LRP11: variants seen among roughly 807,000 people sequenced by gnomAD.
The protein encoded by LRP11 is LDL receptor related protein 11.
LRP11 carries 25 observed loss-of-function variants against 43.1 expected under a neutral mutation model. The ratio of observed to expected loss-of-function variants is 0.58; its 90% CI spans 0.42 to 0.81. The LOEUF (loss-of-function observed/expected upper bound fraction) is 0.81, where lower values mean the gene tolerates loss of function less well. Among genes scored for constraint, LRP11 ranks in the 30% least tolerant of loss-of-function variants. The probability of loss-of-function intolerance (pLI) is 0.00; values close to 1 mark genes in which losing one functional copy is unlikely to be tolerated. For missense variants in LRP11, 623 were observed against 665.1 expected, an observed-to-expected ratio of 0.94 and a Z score of 0.70; for synonymous variants, 316 against 299.4, an observed-to-expected ratio of 1.06 and a Z score of -0.57.
chr6:149,861,238 C>A (rs1776888457), intron 1 of LRP11, among the ~76,000 whole-genome samples: 1 of 152,166 alleles, frequency 6.6e-6, no homozygotes. Flanking sequence ...AGGGGACACA[C>A]AGGACACTGG....
intron 3 of LRP11, chr6:149,842,469 C>G: frequency 1.6e-6 from 1 of 633,262 alleles, no homozygotes; most frequent in Non-Finnish European, 2.8e-6. Context: ...TAACTATAGT[C>G]ACCATGCTGT....
intron 2 of LRP11, among the ~76,000 whole-genome samples, chr6:149,849,956 C>T (rs888154117): frequency 4.6e-5 from 7 of 152,106 alleles, no homozygotes; most frequent in East Asian, 1.9e-4. Context: ...TAAAGTATCA[C>T]GAGGCAAAGG....
At chr6:149,843,856 T>C (rs986454795) in intron 2 of LRP11, among the ~76,000 whole-genome samples, 3 of 152,160 alleles carry the variant, frequency 2.0e-5, no homozygotes, top group East Asian at 3.9e-4. Flanking sequence ...GCCCACCCAA[T>C]GTAGCTGCTT....
Position 149,863,768 on chromosome 6 carries a change from G to T in LRP11, c.253C>A (p.Pro85Thr). The change falls in exon 1 of 7, where the codon CCC becomes ACC. Residue 85 changes from proline (P) to threonine (T), a missense_variant. By Grantham distance (38) the Pro-to-Thr change is conservative. Transcript: ENST00000239367. ...LELELRAGGG[P>T]QEDCPGPGSG... ...CCCGGGCCCGGGCAGTCCTCCTGGG[G>T]GCCGCCGCCCGCGCGCAGCTCCAGC... The T allele has an allele frequency of 6.8e-7, 1 of 1,478,528 alleles. No individual in the cohort carries two copies. The highest frequency in any genetic ancestry group is 1.3e-5 in the South Asian group (1 of 78,386). 91.6% of individuals were successfully genotyped at this position (1,478,528 alleles called of 1,614,324 possible). A position where few individuals can be genotyped will look rare whatever the true frequency, so the allele number is the denominator to read the frequency against.
At chr6:149,825,783 G>A (rs569736623) in intron 6 of LRP11, among the ~76,000 whole-genome samples, 2 of 151,988 alleles carry the variant, frequency 1.3e-5, no homozygotes, top group East Asian at 3.9e-4. Flanking sequence ...AGCCTCCCTG[G>A]GACTACAGGC....
At chr6:149,844,919 TC>T in intron 2 of LRP11, among the ~76,000 whole-genome samples, 1 of 152,180 alleles carries the variant, frequency 6.6e-6, no homozygotes, top group Non-Finnish European at 1.5e-5. Context: ...GATTTCCAGG[TC>T]CCAGCCTCAG....
At chr6:149,837,949 A>C (rs961076646) in intron 3 of LRP11, among the ~76,000 whole-genome samples, 15 of 151,958 alleles carry the variant, frequency 9.9e-5, no homozygotes, top group African/African-American at 3.6e-4. Flanking sequence ...ACAAGGTCTC[A>C]CTCTGTCGCC....
At chr6:149,860,912 A>G (rs1562448593) in intron 1 of LRP11, among the ~76,000 whole-genome samples, 1 of 152,142 alleles carries the variant, frequency 6.6e-6, no homozygotes, top group African/African-American at 2.4e-5. Context: ...AGGGATTATA[A>G]CAGAACCTAG....
chr6:149,861,832 T>A (rs762610261), intron 1 of LRP11, among the ~76,000 whole-genome samples: 10 of 152,266 alleles, frequency 6.6e-5, no homozygotes, highest in Non-Finnish European at 1.3e-4. Flanking sequence ...CCAAGTAATC[T>A]AAACTTTAAA....
In LRP11 at chr6:149,863,726, C is replaced by T. The variant is rs1445346430; in HGVS notation, c.295G>A (p.Ala99Thr). 2 of 1,479,910 alleles carry T rather than the reference C, an allele frequency of 1.4e-6. No individual in the cohort carries two copies. The highest frequency in any genetic ancestry group is 1.5e-5 in the African/African-American group (1 of 68,302). The allele number at this position is 1,479,910 out of a possible 1,614,324, so 91.7% of individuals were successfully genotyped here. The part of the protein sequence containing the change: ...CPGPGSGGYS[A>T]MPDAIIRTKD... ...GTGCGGATGATGGCGTCAGGCATTG[C>T]GCTGTAGCCGCCGCTGCCCGGGCCC... Residue 99 changes from alanine to threonine, a missense_variant, in exon 1 of 7, where the codon GCA (alanine) becomes ACA (threonine). Transcript: ENST00000239367.
rs1188097934 is a variant in LRP11, at chr6:149,827,545, A to G, written c.1253-1186T>C. The stretch of plus-strand genomic sequence containing the variant: ...GTGTCTTGTTACTCTAGAAAGTTCC[A>G]TGTATGTTGGTCCTACATACAGCCA... On this transcript the variant is annotated intron_variant, in intron 5 of 6. Coordinates refer to ENST00000239367, the MANE Select transcript of LRP11 (RefSeq NM_032832.6). This position sits in a 1 kb window ranked among gnomAD's most constrained non-coding sequence, Gnocchi z 4.2. Among the ~76,000 whole-genome samples, 1 of 152,232 alleles carries G rather than the reference A, an allele frequency of 6.6e-6. No homozygotes were observed. The highest frequency in any genetic ancestry group is 1.5e-5 in the Non-Finnish European group (1 of 68,046).
intron 2 of LRP11, among the ~76,000 whole-genome samples, chr6:149,845,853 T>G (rs1027447469): frequency 6.6e-6 from 1 of 151,878 alleles, no homozygotes; most frequent in Admixed American, 6.6e-5. Context: ...AGAACTCTGG[T>G]TTGAGACCTC....
chr6:149,837,958 C>T (rs987566626), intron 3 of LRP11, among the ~76,000 whole-genome samples: 1 of 152,158 alleles, frequency 6.6e-6, no homozygotes, highest in Non-Finnish European at 1.5e-5. Context: ...CACTCTGTCG[C>T]CCAGGCTGAA....
intron 3 of LRP11, among the ~76,000 whole-genome samples, chr6:149,839,190 C>A (rs1038974688): frequency 6.6e-6 from 1 of 151,888 alleles, no homozygotes; most frequent in Non-Finnish European, 1.5e-5. Context: ...CCACTGCGCC[C>A]GGCCTTGGAC....
chr6:149,842,758 T>A, intron 3 of LRP11: 3 of 1,418,500 alleles, frequency 2.1e-6, no homozygotes, highest in Non-Finnish European at 2.9e-6. Context: ...GCATCTCTTC[T>A]CATCCCCTGG....
chr6:149,863,749 C>T lies in LRP11; in HGVS notation c.272G>A (p.Gly91Asp), dbSNP rs761467433. The T allele has an allele frequency of 6.8e-7, 1 of 1,478,234 alleles. No homozygotes were observed. The highest frequency in any genetic ancestry group is 8.9e-7 in the Non-Finnish European group (1 of 1,121,376). 91.6% of individuals were successfully genotyped at this position (1,478,234 alleles called of 1,614,324 possible). A position where few individuals can be genotyped will look rare whatever the true frequency, so the allele number is the denominator to read the frequency against. The stretch of plus-strand genomic sequence containing the variant: ...TGCGCTGTAGCCGCCGCTGCCCGGG[C>T]CCGGGCAGTCCTCCTGGGGGCCGCC... ...AGGGPQEDCP[G>D]PGSGGYSAMP... Residue 91 changes from glycine to aspartate, a missense_variant, in exon 1 of 7, where the codon GGC becomes GAC. Gly to Asp is a moderately conservative substitution (Grantham distance 94). Transcript: ENST00000239367.
chr6:149,863,340 C>A, intron 1 of LRP11, 68 bp downstream of exon 1: 1 of 1,295,216 alleles, frequency 7.7e-7, no homozygotes, highest in Non-Finnish European at 9.8e-7. Context: ...GTTTCGCTTC[C>A]AACTTGGCGA....
chr6:149,837,604 G>T, intron 3 of LRP11, 141 bp from the exon 4 acceptor site: 2 of 839,062 alleles, frequency 2.4e-6, no homozygotes, highest in Non-Finnish European at 3.7e-6. Flanking sequence ...AACAATTCCA[G>T]CAACAGGTTC....
intron 6 of LRP11, among the ~76,000 whole-genome samples, chr6:149,823,132 A>T (rs760401649): frequency 3.3e-5 from 5 of 152,168 alleles, no homozygotes; most frequent in Non-Finnish European, 7.3e-5. Context: ...TATAGTAGGG[A>T]GTGGGCTTTT....
Sources: allele counts gnomAD v4.1 joint callset (sites outside exome capture counted in the v4.1 genomes callset), GRCh38; gene constraint gnomAD v4.1.1; non-coding constraint Gnocchi (gnomAD v3.1); transcripts MANE v1.5; gene names NCBI Gene and HGNC (gene_info 2026-07-23, HGNC 2026-07-21).